Variants in FKTN observed in about 807,000 individuals in gnomAD.
FKTN encodes fukutin.
A neutral mutation model predicts 58.6 loss-of-function variants in FKTN; 47 were observed. The observed-to-expected ratio is 0.80, with a 90% confidence interval of 0.63 to 1.02. The LOEUF (loss-of-function observed/expected upper bound fraction) is 1.02. Ranked by LOEUF, FKTN falls within the 50% of genes least tolerant of loss-of-function variation. The pLI is 0.00. For missense variants in FKTN, 516 were observed against 537.3 expected, an observed-to-expected ratio of 0.96 and a Z score of 0.39; for synonymous variants, 178 against 191.9, an observed-to-expected ratio of 0.93 and a Z score of 0.60.
At chr9:105,626,724 C>T (rs1832784961) in intron 10 of FKTN, among the ~76,000 whole-genome samples, 1 of 152,090 alleles carries the variant, frequency 6.6e-6, no homozygotes, top group African/African-American at 2.4e-5. Context: ...CTTTCCATTG[C>T]CCCACATTTT....
chr9:105,609,269 C>T (rs770300850), intron 7 of FKTN, among the ~76,000 whole-genome samples: 19 of 152,024 alleles, frequency 1.2e-4, no homozygotes, highest in Non-Finnish European at 2.8e-4. Context: ...ATCAAGCAGC[C>T]GCCTTTCTTT....
intron 3 of FKTN, among the ~76,000 whole-genome samples, chr9:105,580,705 C>T (rs1445559097): frequency 1.7e-4 from 5 of 29,756 alleles, no homozygotes; most frequent in Admixed American, 3.7e-4. Context: ...TGAATCTGAA[C>T]GTTGGCCTGC....
At chr9:105,597,440 A>G (rs1346453530) in intron 4 of FKTN, among the ~76,000 whole-genome samples, 3 of 152,138 alleles carry the variant, frequency 2.0e-5, no homozygotes, top group African/African-American at 4.8e-5. Context: ...CCAGCTCTCT[A>G]GTCTATAAGT....
chr9:105,604,467 G>T lies in FKTN; in HGVS notation c.622G>T (p.Gly208Cys). ...KFVPFRKLQF[G>C]RYPGAFDRPE... ...TGTTCCCTTCCGAAAGTTACAGTTT[G>T]GTCGTTATCCAGGAGCTTTTGACAG... Residue 208 changes from glycine (G) to cysteine (C), a missense_variant, in exon 6 of 11, where the codon GGT (glycine) becomes TGT (cysteine). By Grantham distance (159) the Gly-to-Cys change is radical (BLOSUM62 -3). Coordinates refer to ENST00000357998, the MANE Select transcript of FKTN (RefSeq NM_001079802.2). 2 of 1,614,078 alleles carry T rather than the reference G, an allele frequency of 1.2e-6. No individual in the cohort carries two copies. The highest frequency in any genetic ancestry group is 2.2e-5 in the South Asian group (2 of 91,050).
At chr9:105,569,253 T>A (rs146268905) in intron 1 of FKTN, among the ~76,000 whole-genome samples, 1 of 151,990 alleles carries the variant, frequency 6.6e-6, no homozygotes, top group African/African-American at 2.4e-5. Flanking sequence ...CAAACCTGCA[T>A]GTTGTGCACA....
At position 105,607,910 on chromosome 9, in the gene FKTN, T is replaced by TGACAAAG; in HGVS notation, c.739_740insGACAAAG (p.Phe247Ter). The stretch of plus-strand genomic sequence containing the variant: ...TGTAGAAGAAGTACCACACTCTAGG[T>TGACAAAG]TTATTGAGTGTAGGTATAAAGAAGC... On this transcript the variant is annotated stop_gained and frameshift_variant, in exon 7 of 11. Transcript: ENST00000357998. LOFTEE classifies it high-confidence loss of function. 6.2e-7 allele frequency: 1 copy of TGACAAAG among 1,607,170 alleles called. No individual in the cohort carries two copies. The highest frequency in any genetic ancestry group is 8.5e-7 in the Non-Finnish European group (1 of 1,173,896).
intron 3 of FKTN, among the ~76,000 whole-genome samples, chr9:105,577,808 A>G (rs1329090221): frequency 6.7e-6 from 1 of 149,860 alleles, no homozygotes; most frequent in Non-Finnish European, 1.5e-5. Flanking sequence ...TGAGCATGGA[A>G]TGTTCTTCCA....
At chr9:105,630,265 T>G (rs1282034634) in intron 10 of FKTN, among the ~76,000 whole-genome samples, 2 of 152,144 alleles carry the variant, frequency 1.3e-5, no homozygotes, top group Admixed American at 1.3e-4. Context: ...TGTGTTACAT[T>G]AACTCTCTCA....
rs968747226 is a variant in FKTN at position 105,561,103 on chromosome 9, C to A, written c.-181+2938C>A. ...CCGTCTCAAAAAACAAAAAAAAAAA[C>A]AAAACAAAAAACAAACTTTGGGAGC... On this transcript the variant is annotated intron_variant, in intron 1 of 10. Coordinates refer to ENST00000357998, the MANE Select transcript of FKTN (RefSeq NM_001079802.2). Among the ~76,000 whole-genome samples the A allele has an allele frequency of 1.2e-4, 18 of 149,692 alleles. No individual in the cohort carries two copies. In the Middle Eastern group the frequency reaches 0.01, roughly 86 times the overall value.
chr9:105,581,873 A>G (rs1033071279), intron 3 of FKTN, among the ~76,000 whole-genome samples: 4 of 152,130 alleles, frequency 2.6e-5, no homozygotes, highest in South Asian at 2.1e-4. Flanking sequence ...CTCGTGGTGC[A>G]CTGTTTTTTA....
chr9:105,623,684 T>A (rs1451697208), intron 10 of FKTN, among the ~76,000 whole-genome samples: 2 of 152,192 alleles, frequency 1.3e-5, no homozygotes, highest in Non-Finnish European at 2.9e-5. Flanking sequence ...GTAAAATGTA[T>A]TTACCAACTG....
In FKTN at chr9:105,605,128, A is replaced by T. The variant is rs201739750; in HGVS notation, c.647+636A>T. Among the ~76,000 whole-genome samples, 872 of 152,070 alleles carry T rather than the reference A, an allele frequency of 5.7e-3. 10 individuals carry two copies. Among genetic ancestry groups the T allele is most frequent in the African/African-American group, 0.02 (824 of 41,470 alleles). On this transcript the variant is annotated intron_variant, in intron 6 of 10. Transcript: ENST00000357998. Reference sequence around the variant, plus strand: ...GAATCTAAATTCTATTATTATTATTATTTTTTTCCATTCAAAAGTTTCTTT... The same window carrying T: ...GAATCTAAATTCTATTATTATTATTTTTTTTTTCCATTCAAAAGTTTCTTT...
intron 4 of FKTN, chr9:105,600,868 A>G (rs1221316769): frequency 8.1e-6 from 2 of 245,576 alleles, no homozygotes; most frequent in Non-Finnish European, 1.6e-5. Flanking sequence ...GTAAATTTGT[A>G]GCTTACTGGT....
chr9:105,581,846 C>G lies in FKTN; in HGVS notation c.105+6709C>G, dbSNP rs547690588. ...TCCGTGGGCGTAGGACCCTCCGAGCCAGGTGTGGGATATAGTCTCGTGGTG... is the reference window on the plus strand; with the variant it reads ...TCCGTGGGCGTAGGACCCTCCGAGCGAGGTGTGGGATATAGTCTCGTGGTG... On this transcript the variant is annotated intron_variant, in intron 3 of 10. Coordinates refer to ENST00000357998, the MANE Select transcript of FKTN (RefSeq NM_001079802.2). Among the ~76,000 whole-genome samples, 1,375 of 152,290 alleles carry G rather than the reference C, an allele frequency of 9.0e-3. 21 individuals are homozygous for G. The highest frequency in any genetic ancestry group is 0.032 in the African/African-American group (1,317 of 41,552).
At chr9:105,577,084 G>A in intron 3 of FKTN, among the ~76,000 whole-genome samples, 1 of 137,010 alleles carries the variant, frequency 7.3e-6, no homozygotes, top group African/African-American at 2.9e-5. Flanking sequence ...TGTCAGATGA[G>A]TAGGTTGCAA....
Position 105,575,113 on chromosome 9 carries a change from C to A in FKTN, c.81C>A (p.Tyr27Ter). 6.3e-7 allele frequency: 1 copy of A among 1,598,190 alleles called. No individual in the cohort carries two copies. Among genetic ancestry groups the A allele is most frequent in the Non-Finnish European group, 8.6e-7 (1 of 1,165,652 alleles). Residue 27 changes from tyrosine to a stop codon, truncating the protein, a stop_gained, in exon 3 of 11, where the codon TAC becomes TAA. Transcript: ENST00000357998. LOFTEE classifies it high-confidence loss of function. Reference sequence around the variant, plus strand: ...CATTTCTGCTGTTTCAGTTGTACTACTACAAGCACTATTTATCAACAAAGG... The same window carrying A: ...CATTTCTGCTGTTTCAGTTGTACTAATACAAGCACTATTTATCAACAAAGG... ...SSAFLLFQLY[Y>*]YKHYLSTKNG...
intron 7 of FKTN, among the ~76,000 whole-genome samples, chr9:105,612,404 T>G (rs2133034755): frequency 6.6e-6 from 1 of 152,248 alleles, no homozygotes; most frequent in South Asian, 2.1e-4. Flanking sequence ...TAGATCCTAT[T>G]TGTCAGTTTT....
intron 3 of FKTN, among the ~76,000 whole-genome samples, chr9:105,585,542 C>G (rs1463142374): frequency 6.6e-6 from 1 of 152,118 alleles, no homozygotes; most frequent in Non-Finnish European, 1.5e-5. Context: ...AATTTTGAAG[C>G]TTTTGGGTTT....
At chr9:105,578,735 A>C (rs1167214298) in intron 3 of FKTN, among the ~76,000 whole-genome samples, 2 of 151,826 alleles carry the variant, frequency 1.3e-5, no homozygotes, top group Non-Finnish European at 2.9e-5. Context: ...GAATAGTTTC[A>C]GAAGGAATGG....
Sources: gnomAD v4.1 joint callset for allele counts (sites outside exome capture counted in the v4.1 genomes callset) on GRCh38, gnomAD v4.1.1 for gene constraint, MANE v1.5 for transcripts, NCBI Gene and HGNC (gene_info 2026-07-23, HGNC 2026-07-21) for gene names.